ARHGAP26: variants seen among roughly 807,000 people sequenced by gnomAD.
ARHGAP26 encodes the protein rho GTPase-activating protein 26.
A neutral mutation model predicts 104.8 loss-of-function variants in ARHGAP26; 38 were observed. The ratio of observed to expected loss-of-function variants is 0.36; its 90% confidence interval spans 0.28 to 0.48. The LOEUF is 0.48. Among genes scored for constraint, ARHGAP26 ranks in the 20% least tolerant of loss-of-function variants. The probability of loss-of-function intolerance (pLI) is 0.99; values close to 1 mark genes in which losing one functional copy is unlikely to be tolerated. For missense variants in ARHGAP26, 704 were observed against 947.9 expected (o/e 0.74, Z 3.38); for synonymous variants, 341 against 340.0 (o/e 1.00, Z -0.03).
chr5:142,908,174 A>G (rs1476830316), intron 9 of ARHGAP26, among the ~76,000 whole-genome samples: 2 of 152,246 alleles, frequency 1.3e-5, no homozygotes, highest in African/African-American at 4.8e-5. Context: ...CAGTGGCAAC[A>G]TAGATGTCCT....
intron 1 of ARHGAP26, among the ~76,000 whole-genome samples, chr5:142,800,269 AG>A (rs1230535788): frequency 5.9e-5 from 9 of 152,154 alleles, no homozygotes; most frequent in African/African-American, 2.2e-4. Context: ...TCTGTTCTTT[AG>A]TGACTCATTG....
chr5:142,939,930 A>T (rs1258223433), intron 11 of ARHGAP26, among the ~76,000 whole-genome samples: 1 of 152,186 alleles, frequency 6.6e-6, no homozygotes, highest in Non-Finnish European at 1.5e-5. Flanking sequence ...CCTGGGTTCT[A>T]TTTCTAGCTC....
intron 11 of ARHGAP26, among the ~76,000 whole-genome samples, chr5:143,012,552 C>CATACATATATATATATAT (rs1200923855): frequency 4.8e-5 from 1 of 20,832 alleles, no homozygotes; most frequent in African/African-American, 1.2e-4. Context: ...TACATACATA[C>CATACATATATATATATAT]ATATATATAT....
In ARHGAP26 at chr5:142,815,120, C is replaced by T. The variant is rs148809453; in HGVS notation, c.154+44205C>T. On this transcript the variant is annotated intron_variant, in intron 1 of 22. Transcript: ENST00000645722. Reference sequence around the variant, plus strand: ...GGTTCAAGGGATTCCCCTGCCTCAGCCTCCCAAGTAGCTGGGATTACAGAC... The same window carrying T: ...GGTTCAAGGGATTCCCCTGCCTCAGTCTCCCAAGTAGCTGGGATTACAGAC... 3.0e-4 allele frequency among the ~76,000 whole-genome samples: 45 copies of T among 152,342 alleles called. 1 individual carries two copies. In the East Asian group the frequency reaches 8.5e-3, roughly 29 times the overall value.
intron 20 of ARHGAP26, chr5:143,203,743 T>TA (rs1328583780): frequency 2.0e-5 from 3 of 152,074 alleles, no homozygotes; most frequent in Non-Finnish European, 4.4e-5. Flanking sequence ...TATGCAGCCA[T>TA]AAAAAAGGAT....
chr5:142,827,575 G>A (rs1767541888), intron 1 of ARHGAP26, among the ~76,000 whole-genome samples: 1 of 152,188 alleles, frequency 6.6e-6, no homozygotes, highest in African/African-American at 2.4e-5. Context: ...GGGCCAGGAT[G>A]ACCTGGGGTT....
At chr5:142,827,845 A>G (rs1767593357) in intron 1 of ARHGAP26, among the ~76,000 whole-genome samples, 1 of 152,238 alleles carries the variant, frequency 6.6e-6, no homozygotes, top group Non-Finnish European at 1.5e-5. Flanking sequence ...GCACATGTAA[A>G]TGCTCAATAA....
At chr5:143,201,605 AAGG>A (rs1183674345) in intron 20 of ARHGAP26, among the ~76,000 whole-genome samples, 1 of 152,198 alleles carries the variant, frequency 6.6e-6, no homozygotes, top group African/African-American at 2.4e-5. Flanking sequence ...TCTGTAGTGA[AAGG>A]AGAATTTAAG....
chr5:143,107,068 C>T (rs143028179), intron 17 of ARHGAP26, among the ~76,000 whole-genome samples: 108 of 152,242 alleles, frequency 7.1e-4, no homozygotes, highest in African/African-American at 2.5e-3. Context: ...TATTTGCCGT[C>T]GGAATGAAAG....
chr5:142,785,676 T>C (rs1314865499), intron 1 of ARHGAP26, among the ~76,000 whole-genome samples: 1 of 152,228 alleles, frequency 6.6e-6, no homozygotes, highest in Non-Finnish European at 1.5e-5. Context: ...TTAGGGACTA[T>C]TGACAAAAGT....
chr5:143,212,808 C>T (rs1158916353), intron 21 of ARHGAP26, among the ~76,000 whole-genome samples: 1 of 152,240 alleles, frequency 6.6e-6, no homozygotes, highest in South Asian at 2.1e-4. Context: ...CAGTGGTTCT[C>T]AACCCTCACT....
At chr5:143,004,570 T>G (rs1777674028) in intron 11 of ARHGAP26, among the ~76,000 whole-genome samples, 1 of 152,196 alleles carries the variant, frequency 6.6e-6, no homozygotes, top group South Asian at 2.1e-4. Flanking sequence ...CCTGCTTTAG[T>G]GGACCATGAA....
At chr5:143,079,524 G>A (rs1789511088) in intron 17 of ARHGAP26, among the ~76,000 whole-genome samples, 1 of 152,134 alleles carries the variant, frequency 6.6e-6, no homozygotes, top group African/African-American at 2.4e-5. Context: ...ACATTTAACT[G>A]AAAAAACCTG....
At chr5:142,804,252 TAC>T (rs1053572368) in intron 1 of ARHGAP26, among the ~76,000 whole-genome samples, 5 of 152,214 alleles carry the variant, frequency 3.3e-5, no homozygotes, top group African/African-American at 1.2e-4. Context: ...CAATATTATA[TAC>T]ACACACATAT....
chr5:142,922,421 AGT>A (rs3836778), intron 10 of ARHGAP26, among the ~76,000 whole-genome samples: 61,070 of 150,226 alleles, frequency 0.41, 14,722 homozygotes, highest in African/African-American at 0.66. Context: ...TTGACAGAAG[AGT>A]GTGTGTGTGT....
intron 10 of ARHGAP26, among the ~76,000 whole-genome samples, chr5:142,929,188 C>T (rs1029583043): frequency 1.3e-5 from 2 of 152,236 alleles, no homozygotes; most frequent in Admixed American, 6.5e-5. Context: ...CCGCCCACCT[C>T]GGCCTCCCAG....
chr5:142,840,287 A>G (rs1481604889), intron 1 of ARHGAP26, among the ~76,000 whole-genome samples: 4 of 152,208 alleles, frequency 2.6e-5, no homozygotes, highest in African/African-American at 7.2e-5. Flanking sequence ...TTTATTCAGA[A>G]CTATGTAAAT....
chr5:143,103,474 A>C (rs1562430683), intron 17 of ARHGAP26: 1 of 152,544 alleles, frequency 6.6e-6, no homozygotes, highest in Admixed American at 6.5e-5. Flanking sequence ...AAATCATTCT[A>C]CTGTAAAGAC....
chr5:142,937,604 A>G (rs1765618777), intron 11 of ARHGAP26, among the ~76,000 whole-genome samples: 1 of 152,230 alleles, frequency 6.6e-6, no homozygotes, highest in Non-Finnish European at 1.5e-5. Context: ...CCTCCCTCAT[A>G]GCAGCTTTAT....
Sources: allele counts gnomAD v4.1 joint callset (sites outside exome capture counted in the v4.1 genomes callset), GRCh38; gene constraint gnomAD v4.1.1; transcripts MANE v1.5; gene names NCBI Gene and HGNC (gene_info 2026-07-23, HGNC 2026-07-21).